The following BICD1 variants were observed in gnomAD, a reference collection of about 807,000 sequenced individuals.
BICD1 encodes the protein protein bicaudal D homolog 1.
BICD1 carries 35 observed loss-of-function variants against 92.5 expected under a neutral mutation model. The observed-to-expected ratio is 0.38, with a 90% CI of 0.29 to 0.50. The LOEUF is 0.50. Among genes scored for constraint, BICD1 ranks in the 20% least tolerant of loss-of-function variants. The pLI is 0.93. For missense variants in BICD1, 950 were observed against 1,189.8 expected, an observed-to-expected ratio of 0.80 and a Z score of 2.97; for synonymous variants, 429 against 465.1, an observed-to-expected ratio of 0.92 and a Z score of 1.00.
At chr12:32,292,182 G>T (rs1444522407) in intron 2 of BICD1, among the ~76,000 whole-genome samples, 1 of 152,184 alleles carries the variant, frequency 6.6e-6, no homozygotes, top group Non-Finnish European at 1.5e-5. Context: ...CTAGGGAAAG[G>T]CCTTTCCTTG....
At chr12:32,158,586 G>T (rs1813665098) in intron 1 of BICD1, among the ~76,000 whole-genome samples, 1 of 152,220 alleles carries the variant, frequency 6.6e-6, no homozygotes, top group Non-Finnish European at 1.5e-5. Context: ...GAACTCTGAA[G>T]GTGGCAGACT....
chr12:32,115,148 C>T (rs774364075), intron 1 of BICD1, among the ~76,000 whole-genome samples: 17 of 152,268 alleles, frequency 1.1e-4, no homozygotes, highest in Non-Finnish European at 2.1e-4. Context: ...TGAGCCATTG[C>T]ACCCAGCCTT....
chr12:32,258,526 G>A lies in BICD1; in HGVS notation c.427-35468G>A, dbSNP rs184724410. ...AGATAAAGAGAAGACAGCTGGGCCCGGGGGACCACTACCACCAAGACGCAG... is the reference window on the plus strand; with the variant it reads ...AGATAAAGAGAAGACAGCTGGGCCCAGGGGACCACTACCACCAAGACGCAG... On this transcript the variant is annotated intron_variant, in intron 2 of 9. Coordinates refer to ENST00000652176, the MANE Select transcript of BICD1 (RefSeq NM_001714.4). 1.3e-4 allele frequency among the ~76,000 whole-genome samples: 20 copies of A among 152,024 alleles called. No homozygotes were observed. The East Asian group carries it at 3.1e-3, about 23-fold the overall frequency.
chr12:32,370,067 G>A (rs1490645311), intron 9 of BICD1, among the ~76,000 whole-genome samples: 4 of 152,064 alleles, frequency 2.6e-5, no homozygotes. Context: ...CACTAATTTC[G>A]GTTAGAAATA....
rs536283864 is a variant in BICD1 at position 32,328,261 on chromosome 12, T to A, written c.1806T>A (p.Pro602=). The A allele has an allele frequency of 6.2e-7, 1 of 1,614,146 alleles. No homozygotes were observed. Among genetic ancestry groups the A allele is most frequent in the South Asian group, 1.1e-5 (1 of 91,072 alleles). The change falls in exon 5 of 10, where the codon CCT becomes CCA. Residue 602 remains proline (P), a synonymous_variant. Transcript: ENST00000652176. This position sits in a 1 kb window ranked among gnomAD's most constrained non-coding sequence, Gnocchi z 4.4. ...CAACTAAGACCCCCACAATCTCTCCTGTTATTACTGCCCCACCGTCATCTC... is the reference window on the plus strand; with the variant it reads ...CAACTAAGACCCCCACAATCTCTCCAGTTATTACTGCCCCACCGTCATCTC... ...PSPTKTPTIS[P]VITAPPSSPV... is the part of the protein sequence containing the mutation.
intron 5 of BICD1, among the ~76,000 whole-genome samples, chr12:32,330,099 C>T (rs532226107): frequency 3.3e-5 from 5 of 152,210 alleles, no homozygotes; most frequent in Admixed American, 2.6e-4. Context: ...AAACCACGCC[C>T]TTATTATCTC....
At chr12:32,290,980 T>C (rs566011973) in intron 2 of BICD1, among the ~76,000 whole-genome samples, 1 of 152,356 alleles carries the variant, frequency 6.6e-6, no homozygotes, top group Non-Finnish European at 1.5e-5. Flanking sequence ...CCCAAAACTC[T>C]GAGCTAACGC....
At chr12:32,333,957 G>C (rs1937990391) in intron 5 of BICD1, among the ~76,000 whole-genome samples, 1 of 152,042 alleles carries the variant, frequency 6.6e-6, no homozygotes, top group South Asian at 2.1e-4. Flanking sequence ...AAAGTAATTA[G>C]TTCTTTATCA....
In BICD1 at chr12:32,246,019, T is replaced by C. The variant is rs1262109608; in HGVS notation, c.426+29560T>C. On this transcript the variant is annotated intron_variant, in intron 2 of 9. Transcript: ENST00000652176. ...CACTACAGCCTGGGTGATAGAATGA[T>C]ACTCTGTCTCAAAAAAAAAAAAAAA... Among the ~76,000 whole-genome samples, 24 of 84,498 alleles carry C rather than the reference T, an allele frequency of 2.8e-4. 1 individual carries two copies. Among genetic ancestry groups the C allele is most frequent in the East Asian group, 3.2e-4 (1 of 3,162 alleles). 55.4% of individuals were successfully genotyped at this position (84,498 alleles called of 152,430 possible).
intron 4 of BICD1, among the ~76,000 whole-genome samples, chr12:32,325,329 C>T (rs149182064): frequency 7.4e-4 from 113 of 152,212 alleles, no homozygotes; most frequent in African/African-American, 2.6e-3. Flanking sequence ...AATCACTGGC[C>T]GACTTTGAAT....
At position 32,255,874 on chromosome 12, in the gene BICD1, C is replaced by T. The variant is rs150884417; in HGVS notation, c.427-38120C>T. On this transcript the variant is annotated intron_variant, in intron 2 of 9. Transcript: ENST00000652176. Reference sequence around the variant, plus strand: ...TATGAAGACACAAAGATCAGTAGTGCGGCCAGGCGTATTAAAATATTACCC... The same window carrying T: ...TATGAAGACACAAAGATCAGTAGTGTGGCCAGGCGTATTAAAATATTACCC... Among the ~76,000 whole-genome samples, 590 of 152,174 alleles carry T rather than the reference C, an allele frequency of 3.9e-3. 2 individuals carry two copies. Among genetic ancestry groups the T allele is most frequent in the Admixed American group, 6.2e-3 (95 of 15,274 alleles).
At chr12:32,338,234 C>G (rs1404414207) in intron 7 of BICD1, 5 of 191,974 alleles carry the variant, frequency 2.6e-5, no homozygotes, top group Admixed American at 1.1e-4. Flanking sequence ...ATCAGCTTCT[C>G]TTTAACGGGG....
At chr12:32,147,214 G>A (rs1339269723) in intron 1 of BICD1, among the ~76,000 whole-genome samples, 2 of 152,100 alleles carry the variant, frequency 1.3e-5, no homozygotes, top group Non-Finnish European at 2.9e-5. Context: ...TTACATATAT[G>A]AGCCACTGTG....
intron 1 of BICD1, among the ~76,000 whole-genome samples, chr12:32,120,162 A>G (rs1942090634): frequency 1.3e-5 from 2 of 152,220 alleles, no homozygotes; most frequent in African/African-American, 4.8e-5. Context: ...ACACATTTGT[A>G]AATAGAATAT....
chr12:32,235,262 A>T (rs928693309), intron 2 of BICD1, among the ~76,000 whole-genome samples: 24 of 152,184 alleles, frequency 1.6e-4, no homozygotes, highest in African/African-American at 5.8e-4. Context: ...TAGTTAACTC[A>T]GTAGTTAGAA....
chr12:32,308,482 A>T (rs1948290057), intron 4 of BICD1, among the ~76,000 whole-genome samples: 1 of 152,198 alleles, frequency 6.6e-6, no homozygotes, highest in South Asian at 2.1e-4. Context: ...GAGAACAGGG[A>T]CTAGTGCACA....
intron 6 of BICD1, 78 bp downstream of exon 6, chr12:32,334,745 A>C: frequency 6.7e-7 from 1 of 1,485,542 alleles, no homozygotes; most frequent in South Asian, 1.3e-5. Context: ...GCCTTTGTGC[A>C]TGTTGAGTGT....
rs563693994 is a variant in BICD1, at chr12:32,146,174, A to T, written c.213+38630A>T. Among the ~76,000 whole-genome samples, 14 of 152,114 alleles carry T rather than the reference A, an allele frequency of 9.2e-5. No individual in the cohort carries two copies. In the East Asian group the frequency reaches 2.1e-3, roughly 23 times the overall value. On this transcript the variant is annotated intron_variant, in intron 1 of 9. Coordinates refer to ENST00000652176, the MANE Select transcript of BICD1 (RefSeq NM_001714.4). ...AGCGTTAAGTTGACAGTTATTTATC[A>T]GGCATATTTAGCAGCCAGCCTTACA...
At chr12:32,198,221 A>G (rs1944781957) in intron 1 of BICD1, among the ~76,000 whole-genome samples, 1 of 151,116 alleles carries the variant, frequency 6.6e-6, no homozygotes, top group South Asian at 2.1e-4. Context: ...AGAAAAAAAA[A>G]TTATACTGAT....
Sources: gnomAD v4.1 joint callset for allele counts (sites outside exome capture counted in the v4.1 genomes callset) on GRCh38, gnomAD v4.1.1 for gene constraint, Gnocchi (gnomAD v3.1) non-coding constraint, MANE v1.5 for transcripts, NCBI Gene and HGNC (gene_info 2026-07-23, HGNC 2026-07-21) for gene names.